MSI2: variants seen among roughly 807,000 people sequenced by gnomAD.
The protein encoded by MSI2 is RNA-binding protein Musashi homolog 2.
MSI2 carries 17 observed loss-of-function variants against 45.6 expected under a neutral mutation model. The ratio of observed to expected loss-of-function variants is 0.37; its 90% CI spans 0.26 to 0.56. The LOEUF is 0.56. Among genes scored for constraint, MSI2 ranks in the 20% least tolerant of loss-of-function variants. The probability of loss-of-function intolerance (pLI) is 0.77; values close to 1 mark genes in which losing one functional copy is unlikely to be tolerated. For synonymous variants in MSI2, 156 were observed against 158.2 expected (o/e 0.99, Z 0.11); for missense variants, 293 against 444.2 (o/e 0.66, Z 3.06).
the MSI2 span, among the ~76,000 whole-genome samples, chr17:57,696,746 C>A: frequency 6.6e-6 from 1 of 152,030 alleles, no homozygotes; most frequent in African/African-American, 2.4e-5. Flanking sequence ...AAAAAATAAA[C>A]AATTTTAAAA....
intron 2 of MSI2, 34 bp from the exon 3 acceptor site, chr17:57,257,432 T>TCCC (rs148540229): frequency 1.5e-4 from 150 of 1,034,400 alleles, no homozygotes; most frequent in Middle Eastern, 1.1e-3. Context: ...ACACCTTCTC[T>TCCC]CCCCCCCCCA....
At chr17:57,591,142 G>A (rs1439039914) in intron 7 of MSI2, among the ~76,000 whole-genome samples, 1 of 152,148 alleles carries the variant, frequency 6.6e-6, no homozygotes, top group East Asian at 1.9e-4. Context: ...GCCCCTTGCT[G>A]AGTGAGGATA....
chr17:57,586,077 C>T (rs2088338560), intron 7 of MSI2, among the ~76,000 whole-genome samples: 1 of 152,200 alleles, frequency 6.6e-6, no homozygotes, highest in African/African-American at 2.4e-5. Context: ...ATTTTCCCGA[C>T]CAAGATGGAA....
intron 6 of MSI2, among the ~76,000 whole-genome samples, chr17:57,513,343 G>A (rs56860460): frequency 0.049 from 7,506 of 152,166 alleles, 616 homozygotes; most frequent in African/African-American, 0.17. Flanking sequence ...AGTAACAGAG[G>A]CACAGAAAGG....
intron 5 of MSI2, among the ~76,000 whole-genome samples, chr17:57,285,497 CAGAA>C (rs1909790240): frequency 6.6e-6 from 1 of 152,154 alleles, no homozygotes. Flanking sequence ...TTCACAAAAT[CAGAA>C]AGAAAGGAAG....
chr17:57,357,704 T>C (rs868075550), intron 5 of MSI2, among the ~76,000 whole-genome samples: 7 of 152,200 alleles, frequency 4.6e-5, no homozygotes, highest in African/African-American at 1.4e-4. Flanking sequence ...GATTTTTCAG[T>C]TGAGGGGCTT....
chr17:57,545,142 T>A lies in MSI2; in HGVS notation c.454+15418T>A, dbSNP rs73991896. 8.9e-3 allele frequency among the ~76,000 whole-genome samples: 1,353 copies of A among 152,156 alleles called. 17 individuals are homozygous for A. The highest frequency in any genetic ancestry group is 0.031 in the African/African-American group (1,300 of 41,486). ...TTTTCAAAGGAACTGTATAGCAGAT[T>A]TTCCCCCCTCTGAATTCTGGAGGCC... On this transcript the variant is annotated intron_variant, in intron 7 of 13. Coordinates refer to ENST00000284073, the MANE Select transcript of MSI2 (RefSeq NM_138962.4).
the MSI2 span, among the ~76,000 whole-genome samples, chr17:57,693,292 C>G: frequency 3.9e-5 from 6 of 152,224 alleles, no homozygotes; most frequent in Admixed American, 3.9e-4. Context: ...AAGCAATCAT[C>G]CCACCTCAGC....
intron 5 of MSI2, among the ~76,000 whole-genome samples, chr17:57,291,160 G>A (rs930049900): frequency 3.9e-5 from 6 of 152,184 alleles, no homozygotes; most frequent in East Asian, 1.9e-4. Flanking sequence ...TCGTTTCAGC[G>A]GGTAACTGGT....
At chr17:57,586,264 G>A (rs1249399589) in intron 7 of MSI2, among the ~76,000 whole-genome samples, 2 of 152,258 alleles carry the variant, frequency 1.3e-5, no homozygotes, top group South Asian at 4.1e-4. Context: ...CCCTTTCCCT[G>A]CAGCCGCAGG....
At chr17:57,669,435 A>C (rs936991737) in intron 11 of MSI2, among the ~76,000 whole-genome samples, 3 of 152,202 alleles carry the variant, frequency 2.0e-5, no homozygotes, top group East Asian at 1.9e-4. Flanking sequence ...GACTAGGAAC[A>C]TAGAGTTCCC....
chr17:57,541,647 A>G (rs1438322555), intron 7 of MSI2, among the ~76,000 whole-genome samples: 1 of 152,206 alleles, frequency 6.6e-6, no homozygotes, highest in Non-Finnish European at 1.5e-5. Flanking sequence ...CAACACCTAC[A>G]GGTCTTCAGT....
intron 10 of MSI2, chr17:57,632,106 G>C (rs1008876175): frequency 8.0e-7 from 1 of 1,251,896 alleles, no homozygotes; most frequent in Non-Finnish European, 1.0e-6. Context: ...AACGGGGCCA[G>C]AGGGAAACTT....
chr17:57,616,422 C>T (rs1907718343), intron 9 of MSI2: 1 of 173,940 alleles, frequency 5.7e-6, no homozygotes, highest in Non-Finnish European at 1.2e-5. Flanking sequence ...TCAGCCCTCT[C>T]ATCTGAGTGG....
At chr17:57,383,611 A>G (rs926679727) in intron 5 of MSI2, among the ~76,000 whole-genome samples, 4 of 152,220 alleles carry the variant, frequency 2.6e-5, no homozygotes, top group Admixed American at 2.6e-4. Context: ...CAGTGACCCA[A>G]GATTGCATCA....
At chr17:57,345,997 G>A (rs893136134) in intron 5 of MSI2, among the ~76,000 whole-genome samples, 8 of 152,088 alleles carry the variant, frequency 5.3e-5, no homozygotes, top group Non-Finnish European at 7.3e-5. Flanking sequence ...GGTAGGTAGC[G>A]GTTGAACAAG....
intron 6 of MSI2, among the ~76,000 whole-genome samples, chr17:57,414,515 A>AAGT (rs2084257701): frequency 6.6e-6 from 1 of 151,626 alleles, no homozygotes; most frequent in Non-Finnish European, 1.5e-5. Context: ...TCAGCCTCCC[A>AAGT]AGTAGCTGGG....
At chr17:57,576,900 G>A (rs920860763) in intron 7 of MSI2, among the ~76,000 whole-genome samples, 8 of 152,230 alleles carry the variant, frequency 5.3e-5, no homozygotes, top group African/African-American at 1.9e-4. Context: ...TGAGGCAACA[G>A]GTGATGGAGC....
chr17:57,298,800 A>G (rs1032281171), intron 5 of MSI2, among the ~76,000 whole-genome samples: 2 of 150,652 alleles, frequency 1.3e-5, no homozygotes, highest in African/African-American at 2.5e-5. Flanking sequence ...TAAAGTCACC[A>G]GTTGTATTAG....
Sources: allele counts gnomAD v4.1 joint callset (sites outside exome capture counted in the v4.1 genomes callset), GRCh38; gene constraint gnomAD v4.1.1; transcripts MANE v1.5; gene names NCBI Gene and HGNC (gene_info 2026-07-23, HGNC 2026-07-21).